PVT1: variants seen among roughly 807,000 people sequenced by gnomAD.
The protein encoded by PVT1 is Pvt1 oncogene.
chr8:128,100,192 C>T (rs537389789), intron 6 of PVT1, among the ~76,000 whole-genome samples: 15 of 142,154 alleles, frequency 1.1e-4, no homozygotes, highest in Non-Finnish European at 1.6e-4. Flanking sequence ...CCCTCCTTCC[C>T]GAAACAAATG....
intron 3 of PVT1, among the ~76,000 whole-genome samples, chr8:127,951,052 C>A (rs1030721768): frequency 6.6e-6 from 1 of 152,182 alleles, no homozygotes; most frequent in Non-Finnish European, 1.5e-5. Flanking sequence ...CATGTGCCAC[C>A]ATGCCTGGGT....
intron 4 of PVT1, among the ~76,000 whole-genome samples, chr8:128,038,121 G>A (rs2130082282): frequency 6.6e-6 from 1 of 152,310 alleles, no homozygotes; most frequent in South Asian, 2.1e-4. Flanking sequence ...GGAAAGGAAG[G>A]TGAAATTTCT....
intron 2 of PVT1, among the ~76,000 whole-genome samples, chr8:127,798,600 C>T (rs1023565782): frequency 7.4e-5 from 11 of 148,968 alleles, no homozygotes; most frequent in African/African-American, 2.2e-4. Flanking sequence ...AGCTCACACC[C>T]GTAATCCCAG....
intron 4 of PVT1, among the ~76,000 whole-genome samples, chr8:127,991,085 A>G (rs1228949131): frequency 1.3e-5 from 2 of 151,360 alleles, no homozygotes; most frequent in South Asian, 2.1e-4. Context: ...ATGTATGTCT[A>G]CAGCTGACAA....
intron 3 of PVT1, among the ~76,000 whole-genome samples, chr8:127,901,654 C>T (rs1319084963): frequency 6.6e-6 from 1 of 152,042 alleles, no homozygotes; most frequent in Non-Finnish European, 1.5e-5. Context: ...TTGAGTGATC[C>T]TCCCACCTTG....
chr8:127,896,464 TTGAC>T (rs1297075211), intron 3 of PVT1, among the ~76,000 whole-genome samples: 4 of 152,108 alleles, frequency 2.6e-5, no homozygotes, highest in African/African-American at 9.7e-5. Context: ...TTGGCCCTCT[TTGAC>T]TGATAGCTAC....
At chr8:127,921,720 T>C (rs1053222280) in intron 3 of PVT1, among the ~76,000 whole-genome samples, 2 of 151,822 alleles carry the variant, frequency 1.3e-5, no homozygotes, top group Non-Finnish European at 2.9e-5. Flanking sequence ...AGGCTGTGCA[T>C]GAGAATCACT....
intron 3 of PVT1, among the ~76,000 whole-genome samples, chr8:127,961,936 AT>A (rs1205801240): frequency 2.0e-5 from 3 of 152,340 alleles, no homozygotes; most frequent in Non-Finnish European, 4.4e-5. Context: ...GCACCTCTGC[AT>A]TCTCCAGGTT....
intron 4 of PVT1, among the ~76,000 whole-genome samples, chr8:127,994,327 G>T (rs1307831643): frequency 6.6e-6 from 1 of 152,148 alleles, no homozygotes; most frequent in Non-Finnish European, 1.5e-5. Flanking sequence ...CAGAGCCTTG[G>T]GTCTCACTGA....
chr8:127,911,353 G>T lies in PVT1; in HGVS notation n.782+20355G>T, dbSNP rs147648053. On this transcript the variant is annotated intron_variant and non_coding_transcript_variant, in intron 3 of 10. Transcript: ENST00000651587. ...AAGCCCTGAAGATACCGCAAGGGGA[G>T]TGCTCCTGTGTGCAGTTGCTCTGAC... Among the ~76,000 whole-genome samples the T allele has an allele frequency of 1.1e-3, 174 of 152,372 alleles. 1 individual carries two copies. The highest frequency in any genetic ancestry group is 1.8e-3 in the Non-Finnish European group (121 of 68,026).
intron 3 of PVT1, among the ~76,000 whole-genome samples, chr8:127,987,982 C>T (rs1816989308): frequency 6.6e-6 from 1 of 152,140 alleles, no homozygotes; most frequent in Non-Finnish European, 1.5e-5. Flanking sequence ...GTGCAGGATG[C>T]GTTAAGCCTG....
In PVT1 at chr8:127,919,037, G is replaced by A. The variant is rs143827129; in HGVS notation, n.782+28039G>A. On this transcript the variant is annotated intron_variant and non_coding_transcript_variant, in intron 3 of 10. Coordinates refer to ENST00000651587, the Ensembl canonical transcript of PVT1. The stretch of plus-strand genomic sequence containing the variant: ...TCCTGACACCCTTCTTCAGATGACC[G>A]CTGTCAGGTTGGTGAAGGCAGTGCG... Among the ~76,000 whole-genome samples, 201 of 152,266 alleles carry A rather than the reference G, an allele frequency of 1.3e-3. 1 individual carries two copies. The highest frequency in any genetic ancestry group is 4.6e-3 in the African/African-American group (192 of 41,546).
At chr8:127,876,274 G>A (rs2859694) in intron 2 of PVT1, among the ~76,000 whole-genome samples, 3,344 of 152,018 alleles carry the variant, frequency 0.022, 58 homozygotes, top group Middle Eastern at 0.078. Flanking sequence ...GTGTGTGTGT[G>A]TGTGTGTGTA....
At position 128,097,873 on chromosome 8, in the gene PVT1, G is replaced by A. The variant is rs7832261; in HGVS notation, n.1251+1219G>A. 2.1e-3 allele frequency among the ~76,000 whole-genome samples: 314 copies of A among 152,170 alleles called. 2 individuals carry two copies. The highest frequency in any genetic ancestry group is 7.2e-3 in the African/African-American group (297 of 41,510). On this transcript the variant is annotated intron_variant and non_coding_transcript_variant, in intron 6 of 10. Transcript: ENST00000651587. ...TCTGCCCTCTCCTGCCCCACAGCCA[G>A]TGGACAGGCATTTTGCACCCCAGCC... is the stretch of plus-strand genomic sequence containing the variant.
intron 3 of PVT1, among the ~76,000 whole-genome samples, chr8:127,915,599 C>T (rs1006228282): frequency 7.9e-5 from 9 of 114,432 alleles, no homozygotes; most frequent in South Asian, 5.4e-4. Context: ...GCAACAAGAG[C>T]GAAACTCCAT....
intron 3 of PVT1, among the ~76,000 whole-genome samples, chr8:127,943,490 G>A (rs530813610): frequency 2.0e-5 from 3 of 152,174 alleles, no homozygotes; most frequent in South Asian, 4.1e-4. Flanking sequence ...CAGCCTTGGC[G>A]CTGTTCATAT....
intron 2 of PVT1, among the ~76,000 whole-genome samples, chr8:127,888,432 T>C (rs1815553429): frequency 6.6e-6 from 1 of 152,172 alleles, no homozygotes; most frequent in African/African-American, 2.4e-5. Flanking sequence ...CTGTTATTCT[T>C]GTATGGCAGG....
At chr8:128,082,046 C>G (rs73707403) in intron 5 of PVT1, among the ~76,000 whole-genome samples, 2 of 152,310 alleles carry the variant, frequency 1.3e-5, no homozygotes, top group African/African-American at 4.8e-5. Flanking sequence ...GTGTTCTAAT[C>G]TGAGTACAAG....
intron 4 of PVT1, among the ~76,000 whole-genome samples, chr8:128,006,116 A>AATC (rs1279030035): frequency 5.9e-5 from 7 of 118,154 alleles, no homozygotes; most frequent in African/African-American, 1.6e-4. Context: ...TAATAATAAT[A>AATC]ATAATAATAA....
Sources: gnomAD v4.1 joint callset for allele counts (sites outside exome capture counted in the v4.1 genomes callset) on GRCh38, gnomAD v4.1.1 for gene constraint, MANE v1.5 for transcripts, NCBI Gene and HGNC (gene_info 2026-07-23, HGNC 2026-07-21) for gene names.